POU2F1: variants seen among roughly 807,000 people sequenced by gnomAD.
POU2F1 encodes the protein POU class 2 homeobox 1, also known as POU domain, class 2, transcription factor 1.
A neutral mutation model predicts 84.9 loss-of-function variants in POU2F1; 16 were observed. The observed-to-expected ratio is 0.19, with a 90% confidence interval of 0.13 to 0.29. The LOEUF (loss-of-function observed/expected upper bound fraction) is 0.29, where lower values mean the gene tolerates loss of function less well. Among genes scored for constraint, POU2F1 ranks in the 10% least tolerant of loss-of-function variants. The pLI, the probability that POU2F1 is intolerant of heterozygous loss-of-function variation, is 1.00. For synonymous variants in POU2F1, 368 were observed against 368.3 expected, an observed-to-expected ratio of 1.00 and a Z score of 0.01; for missense variants, 738 against 942.6, an observed-to-expected ratio of 0.78 and a Z score of 2.84.
intron 1 of POU2F1, among the ~76,000 whole-genome samples, chr1:167,302,635 T>G (rs1262362368): frequency 2.0e-5 from 3 of 152,168 alleles, no homozygotes; most frequent in African/African-American, 7.2e-5. Flanking sequence ...TTCAGATTCA[T>G]GAAATAGGAA....
intron 2 of POU2F1, among the ~76,000 whole-genome samples, chr1:167,356,095 G>T (rs1451579951): frequency 6.6e-6 from 1 of 151,044 alleles, no homozygotes; most frequent in Non-Finnish European, 1.5e-5. Flanking sequence ...TTAGTACTGG[G>T]ACTATACTGT....
intron 1 of POU2F1, among the ~76,000 whole-genome samples, chr1:167,295,716 A>G (rs1470031436): frequency 2.6e-5 from 4 of 152,226 alleles, no homozygotes; most frequent in Non-Finnish European, 5.9e-5. Context: ...CTAAATTGTA[A>G]TAAAAGATTT....
chr1:167,359,068 T>C (rs1444079574), intron 2 of POU2F1, among the ~76,000 whole-genome samples: 2 of 152,050 alleles, frequency 1.3e-5, no homozygotes, highest in Non-Finnish European at 2.9e-5. Context: ...CTCTATTTTC[T>C]TTGGATTTAT....
chr1:167,331,254 C>T lies in POU2F1; in HGVS notation c.62-1216C>T, dbSNP rs1657062715. On this transcript the variant is annotated intron_variant, in intron 1 of 15. Coordinates refer to ENST00000367866, the MANE Select transcript of POU2F1 (RefSeq NM_002697.4). ...TATTGGAAAAGCTATTACACATCTT[C>T]TTGTTGGAAATGAAACTTATAAAAG... 4.6e-5 allele frequency among the ~76,000 whole-genome samples: 7 copies of T among 152,044 alleles called. No homozygotes were observed. In the South Asian group the frequency reaches 1.4e-3, roughly 31 times the overall value.
Position 167,418,949 on chromosome 1 carries a change from T to C in POU2F1, c.*3139T>C, listed in dbSNP as rs1650476975. 1 of 152,166 alleles carries C rather than the reference T, an allele frequency of 6.6e-6. No individual in the cohort carries two copies. The highest frequency in any genetic ancestry group is 2.4e-5 in the African/African-American group (1 of 41,440). The allele number at this position is 152,166 out of a possible 1,614,324, so 9.4% of individuals were successfully genotyped here. On this transcript the variant is annotated 3_prime_UTR_variant, in exon 16 of 16. Coordinates refer to ENST00000367866, the MANE Select transcript of POU2F1 (RefSeq NM_002697.4). ...TTCTCTTTTTTTACTTATTTAAAAA[T>C]AAGTTGTGAAATGAAAGGTACATTT...
At chr1:167,323,605 G>A (rs147855442) in intron 1 of POU2F1, among the ~76,000 whole-genome samples, 3 of 152,266 alleles carry the variant, frequency 2.0e-5, no homozygotes, top group South Asian at 2.1e-4. Flanking sequence ...ATGTCTACCA[G>A]TTGAGTTGTA....
At chr1:167,273,655 GTACCTTTTA>G (rs1359085686) in intron 1 of POU2F1, among the ~76,000 whole-genome samples, 5 of 152,228 alleles carry the variant, frequency 3.3e-5, no homozygotes, top group Non-Finnish European at 7.3e-5. Flanking sequence ...CCTCAGGCCA[GTACCTTTTA>G]TGCCTTGCCT....
chr1:167,390,488 A>T (rs1055953965), intron 9 of POU2F1, among the ~76,000 whole-genome samples: 2 of 152,224 alleles, frequency 1.3e-5, no homozygotes, highest in African/African-American at 2.4e-5. Flanking sequence ...AGGCTTATTT[A>T]AAAACAGTTT....
intron 2 of POU2F1, among the ~76,000 whole-genome samples, chr1:167,336,522 G>A (rs1657459611): frequency 6.6e-6 from 1 of 152,062 alleles, no homozygotes; most frequent in Non-Finnish European, 1.5e-5. Flanking sequence ...CAAAGCAGAG[G>A]CAAGTCATAA....
chr1:167,347,800 G>A (rs757135634), intron 2 of POU2F1, among the ~76,000 whole-genome samples: 8 of 152,086 alleles, frequency 5.3e-5, no homozygotes, highest in Non-Finnish European at 7.4e-5. Context: ...GACCTTTTGT[G>A]TATGGCTTCT....
At chr1:167,249,973 G>A (rs953875327) in intron 1 of POU2F1, among the ~76,000 whole-genome samples, 1 of 152,122 alleles carries the variant, frequency 6.6e-6, no homozygotes, top group African/African-American at 2.4e-5. Flanking sequence ...TTCATTAACA[G>A]GAGTTATGTT....
chr1:167,254,647 A>G (rs1650998988), intron 1 of POU2F1, among the ~76,000 whole-genome samples: 1 of 152,230 alleles, frequency 6.6e-6, no homozygotes, highest in Non-Finnish European at 1.5e-5. Flanking sequence ...AATCAGAAAC[A>G]TTTATTATCC....
intron 1 of POU2F1, among the ~76,000 whole-genome samples, chr1:167,307,889 A>T (rs1655191455): frequency 6.6e-6 from 1 of 151,930 alleles, no homozygotes; most frequent in Admixed American, 6.6e-5. Context: ...AGTCTTTTTG[A>T]TTTCTAGGGT....
chr1:167,294,538 C>G (rs1320755380), intron 1 of POU2F1, among the ~76,000 whole-genome samples: 1 of 152,192 alleles, frequency 6.6e-6, no homozygotes, highest in South Asian at 2.1e-4. Context: ...GGACTAGTAT[C>G]CAGAATCTAC....
At chr1:167,372,840 T>C (rs1441025117) in intron 5 of POU2F1, among the ~76,000 whole-genome samples, 1 of 152,180 alleles carries the variant, frequency 6.6e-6, no homozygotes. Context: ...TAAATTATCT[T>C]TGTGGGGGTT....
rs1199204093 is a variant in POU2F1, at chr1:167,383,837, A to G, written c.719-20A>G. ...GAAGAAATCTTTAATGTTTCTGGAT[A>G]ACATGTTTTTCTTCTACAGGTCTCC... On this transcript the variant is annotated intron_variant, in intron 7 of 15. Coordinates refer to ENST00000367866, the MANE Select transcript of POU2F1 (RefSeq NM_002697.4). 1.9e-6 allele frequency: 3 copies of G among 1,588,270 alleles called. No individual in the cohort carries two copies. The East Asian group carries it at 6.7e-5, about 36-fold the overall frequency.
At chr1:167,225,898 AT>A (rs1407455640) in intron 1 of POU2F1, among the ~76,000 whole-genome samples, 1 of 152,238 alleles carries the variant, frequency 6.6e-6, no homozygotes, top group Non-Finnish European at 1.5e-5. Context: ...ACCATTAAAA[AT>A]AATGTTGTGT....
intron 1 of POU2F1, among the ~76,000 whole-genome samples, chr1:167,249,723 T>C (rs540541715): frequency 9.9e-5 from 15 of 152,120 alleles, no homozygotes; most frequent in African/African-American, 3.1e-4. Flanking sequence ...TGAGGTAGTA[T>C]TGGGAGAGTT....
chr1:167,296,992 C>T (rs1185929253), intron 1 of POU2F1, among the ~76,000 whole-genome samples: 1 of 151,902 alleles, frequency 6.6e-6, no homozygotes, highest in East Asian at 1.9e-4. Flanking sequence ...TGCAGGTATG[C>T]TTATATAACT....
Sources: allele counts gnomAD v4.1 joint callset (sites outside exome capture counted in the v4.1 genomes callset), GRCh38; gene constraint gnomAD v4.1.1; transcripts MANE v1.5; gene names NCBI Gene and HGNC (gene_info 2026-07-23, HGNC 2026-07-21).